Variants in SLC12A6 observed in about 807,000 individuals in gnomAD.
The protein encoded by SLC12A6 is solute carrier family 12 member 6, also known as K-Cl cotransporter 3.
A neutral mutation model predicts 135.3 loss-of-function variants in SLC12A6; 66 were observed. The ratio of observed to expected loss-of-function variants is 0.49; its 90% confidence interval spans 0.40 to 0.60. The LOEUF is 0.60. Among genes scored for constraint, SLC12A6 ranks in the 20% least tolerant of loss-of-function variants. The pLI is 0.00. For missense variants in SLC12A6, 1,058 were observed against 1,452.3 expected, an observed-to-expected ratio of 0.73 and a Z score of 4.41; for synonymous variants, 513 against 508.8, an observed-to-expected ratio of 1.01 and a Z score of -0.11.
Position 34,285,775 on chromosome 15 carries a change from C to T in SLC12A6, c.272-10386G>A, listed in dbSNP as rs141241610. On this transcript the variant is annotated intron_variant, in intron 2 of 25. Coordinates refer to ENST00000354181, the MANE Select transcript of SLC12A6 (RefSeq NM_001365088.1). ...AAAAGGAAGGAAATTCAGACACATG[C>T]TACAACATGGATGAATCTTGACAGC... 6.5e-5 allele frequency among the ~76,000 whole-genome samples: 9 copies of T among 138,900 alleles called. No homozygotes were observed. In the East Asian group the frequency reaches 2.1e-3, roughly 33 times the overall value. 91.1% of individuals were successfully genotyped at this position (138,900 alleles called of 152,430 possible).
Position 34,250,736 on chromosome 15 carries a change from A to C in SLC12A6, c.1493-7T>G. On this transcript the variant is annotated splice_polypyrimidine_tract_variant and splice_region_variant and intron_variant, in intron 11 of 25. Transcript: ENST00000354181. ...TTTGATCCAGCCATGATACCTTTAG[A>C]GATAAGGGGGAAAAAACCAAGTTAA... is the stretch of plus-strand genomic sequence containing the variant. 1 of 1,553,952 alleles carries C rather than the reference A, an allele frequency of 6.4e-7. No homozygotes were observed. Among genetic ancestry groups the C allele is most frequent in the East Asian group, 2.2e-5 (1 of 44,564 alleles).
intron 3 of SLC12A6, among the ~76,000 whole-genome samples, chr15:34,264,691 G>C (rs1351376475): frequency 6.6e-6 from 1 of 152,078 alleles, no homozygotes; most frequent in African/African-American, 2.4e-5. Context: ...AAAATCATAT[G>C]ATGTCTGGAA....
chr15:34,302,312 A>G (rs544011785), intron 2 of SLC12A6, among the ~76,000 whole-genome samples: 78 of 152,286 alleles, frequency 5.1e-4, no homozygotes, highest in African/African-American at 1.8e-3. Flanking sequence ...CACAGTTAAA[A>G]AAGAAGAAAA....
intron 2 of SLC12A6, among the ~76,000 whole-genome samples, chr15:34,308,521 A>C (rs148725254): frequency 5.0e-4 from 75 of 149,758 alleles, no homozygotes; most frequent in African/African-American, 1.7e-3. Flanking sequence ...GCTACTCTGG[A>C]GTCTGAGACA....
intron 2 of SLC12A6, among the ~76,000 whole-genome samples, chr15:34,281,165 A>G (rs185984516): frequency 6.6e-6 from 1 of 152,332 alleles, no homozygotes; most frequent in East Asian, 1.9e-4. Flanking sequence ...TAACAATAAT[A>G]TATTAGACTC....
In SLC12A6 at chr15:34,245,299, G is replaced by T; in HGVS notation, c.1929C>A (p.Ala643=). The change falls in exon 15 of 26, where the codon GCC becomes GCA. Residue 643 remains alanine (A), a synonymous_variant. Coordinates refer to ENST00000354181, the MANE Select transcript of SLC12A6 (RefSeq NM_001365088.1). ...CTGGCTCTTACATGGAAAGAATTGG[G>T]GCCACAAGATCCAGGGAGGCAATGA... The part of the protein sequence containing the change: ...GILIASLDLV[A]PILSMFFLMC... 4.4e-6 allele frequency: 7 copies of T among 1,576,854 alleles called. No individual in the cohort carries two copies. Among genetic ancestry groups the T allele is most frequent in the Non-Finnish European group, 6.1e-6 (7 of 1,145,942 alleles).
At position 34,241,629 on chromosome 15, in the gene SLC12A6, T is replaced by C. The variant is rs181033329; in HGVS notation, c.2163-292A>G. 2.0e-3 allele frequency among the ~76,000 whole-genome samples: 304 copies of C among 152,328 alleles called. 1 individual carries two copies. Among genetic ancestry groups the C allele is most frequent in the African/African-American group, 7.1e-3 (297 of 41,564 alleles). On this transcript the variant is annotated intron_variant, in intron 17 of 25. Coordinates refer to ENST00000354181, the MANE Select transcript of SLC12A6 (RefSeq NM_001365088.1). ...AATAATGTAAAAGAGCAATTTAGAT[T>C]AGAAAATTATAACAGACCTGGAGTT... is the stretch of plus-strand genomic sequence containing the variant.
At chr15:34,294,040 C>T (rs942127649) in intron 2 of SLC12A6, among the ~76,000 whole-genome samples, 10 of 152,232 alleles carry the variant, frequency 6.6e-5, no homozygotes, top group Non-Finnish European at 1.0e-4. Flanking sequence ...TTTGTAAAAG[C>T]GATACAACTA....
At position 34,238,234 on chromosome 15, in the gene SLC12A6, T is replaced by C. The variant is rs751030519; in HGVS notation, c.2800A>G (p.Lys934Glu). The part of the protein sequence containing the change: ...MLLPFLLKQH[K>E]VWRKCSIRIF... The stretch of plus-strand genomic sequence containing the variant: ...AAAAAAAAAGTTGTATAAAATACCT[T>C]GTGCTGTTTCAGTAGGAATGGTAGT... The change falls in exon 21 of 26, where the codon AAG becomes GAG. Residue 934 changes from lysine to glutamate, a missense_variant and splice_region_variant. Lys to Glu is a moderately conservative substitution (Grantham distance 56). Coordinates refer to ENST00000354181, the MANE Select transcript of SLC12A6 (RefSeq NM_001365088.1). 5 of 1,610,738 alleles carry C rather than the reference T, an allele frequency of 3.1e-6. No individual in the cohort carries two copies. The highest frequency in any genetic ancestry group is 4.2e-6 in the Non-Finnish European group (5 of 1,176,864).
rs538475109 is a variant in SLC12A6, at chr15:34,231,364, G to GGA, written c.*2516_*2517insTC. 98 of 138,488 alleles carry GGA rather than the reference G, an allele frequency of 7.1e-4. 1 individual carries two copies. The East Asian group carries it at 0.015, about 21-fold the overall frequency. 8.6% of individuals were successfully genotyped at this position (138,488 alleles called of 1,614,324 possible). A position where few individuals can be genotyped will look rare whatever the true frequency, so the allele number is the denominator to read the frequency against. On this transcript the variant is annotated 3_prime_UTR_variant, in exon 26 of 26. Transcript: ENST00000354181. ...GCAACAAGAGCGAAACTACGTCTCGGAAAAAAAAAAAAAAGATACTGGATC... is the reference window on the plus strand; with the variant it reads ...GCAACAAGAGCGAAACTACGTCTCGGGAAAAAAAAAAAAAAAGATACTGGATC...
chr15:34,279,765 C>T (rs966858179), intron 2 of SLC12A6, among the ~76,000 whole-genome samples: 1 of 152,078 alleles, frequency 6.6e-6, no homozygotes, highest in African/African-American at 2.4e-5. Flanking sequence ...GGACAAAATA[C>T]AATCAGGTTA....
chr15:34,323,156 A>G (rs550598377), intron 2 of SLC12A6, among the ~76,000 whole-genome samples: 117 of 152,294 alleles, frequency 7.7e-4, no homozygotes, highest in South Asian at 1.5e-3. Flanking sequence ...TCTAGAAGAC[A>G]TAAAAATTCC....
At chr15:34,257,873 C>A in intron 5 of SLC12A6, 85 bp from the exon 6 acceptor site, 1 of 868,408 alleles carries the variant, frequency 1.2e-6, no homozygotes, top group Non-Finnish European at 1.9e-6. Flanking sequence ...TGCTCCCTAA[C>A]TACCATATTA....
intron 2 of SLC12A6, among the ~76,000 whole-genome samples, chr15:34,316,366 T>C (rs1888650837): frequency 6.6e-6 from 1 of 152,164 alleles, no homozygotes; most frequent in African/African-American, 2.4e-5. Flanking sequence ...CAAAAAATCA[T>C]GTTATCTTCA....
At chr15:34,265,761 A>C (rs1379912950) in intron 3 of SLC12A6, among the ~76,000 whole-genome samples, 1 of 152,234 alleles carries the variant, frequency 6.6e-6, no homozygotes, top group Non-Finnish European at 1.5e-5. Context: ...GATAGTAAGG[A>C]AAAGCCTACA....
chr15:34,272,264 G>T (rs896855767), intron 3 of SLC12A6, among the ~76,000 whole-genome samples: 5 of 152,094 alleles, frequency 3.3e-5, no homozygotes, highest in African/African-American at 1.2e-4. Flanking sequence ...GAACCACGGC[G>T]CCTGGTTGGA....
chr15:34,284,632 C>G lies in SLC12A6; in HGVS notation c.272-9243G>C, dbSNP rs149968223. ...GTATTCAGTAAATATTTTCTGAGAA[C>G]CTTCTACATGTGAAACACTATTCTA... On this transcript the variant is annotated intron_variant, in intron 2 of 25. Coordinates refer to ENST00000354181, the MANE Select transcript of SLC12A6 (RefSeq NM_001365088.1). Among the ~76,000 whole-genome samples, 479 of 152,208 alleles carry G rather than the reference C, an allele frequency of 3.1e-3. 3 individuals carry two copies. The highest frequency in any genetic ancestry group is 0.01 in the African/African-American group (423 of 41,530).
At chr15:34,308,043 AAAG>A (rs1887855045) in intron 2 of SLC12A6, among the ~76,000 whole-genome samples, 1 of 152,186 alleles carries the variant, frequency 6.6e-6, no homozygotes, top group African/African-American at 2.4e-5. Context: ...TTTTCTCTAG[AAAG>A]AATTTAGTTT....
intron 2 of SLC12A6, among the ~76,000 whole-genome samples, chr15:34,289,020 T>C (rs1384491843): frequency 6.6e-6 from 1 of 152,178 alleles, no homozygotes; most frequent in Non-Finnish European, 1.5e-5. Flanking sequence ...TTCAACACTA[T>C]GTTGAATAGG....
Sources: gnomAD v4.1 joint callset for allele counts (sites outside exome capture counted in the v4.1 genomes callset) on GRCh38, gnomAD v4.1.1 for gene constraint, MANE v1.5 for transcripts, NCBI Gene and HGNC (gene_info 2026-07-23, HGNC 2026-07-21) for gene names.